The following TMEM154 variants were observed in gnomAD, a reference collection of about 807,000 sequenced individuals.
TMEM154 encodes transmembrane protein 154.
Under a neutral mutation model 24.5 loss-of-function variants are expected in TMEM154, and 27 were observed. That is an observed-to-expected ratio of 1.10 (90% confidence interval 0.81 to 1.52). The LOEUF (loss-of-function observed/expected upper bound fraction) is 1.52, where lower values mean the gene tolerates loss of function less well. Ranked by LOEUF, TMEM154 falls within the 40% of genes most tolerant of loss-of-function variation. TMEM154 has a pLI of 0.00. For synonymous variants in TMEM154, 67 were observed against 76.8 expected (o/e 0.87, Z 0.67); for missense variants, 228 against 213.4 (o/e 1.07, Z -0.43).
intron 6 of TMEM154, among the ~76,000 whole-genome samples, chr4:152,636,699 T>C (rs1646578932): frequency 6.6e-6 from 1 of 152,204 alleles, no homozygotes; most frequent in Non-Finnish European, 1.5e-5. Flanking sequence ...ATGTGGTATA[T>C]TCAGTGTAGG....
chr4:152,647,189 T>G, intron 3 of TMEM154: 1 of 978,780 alleles, frequency 1.0e-6, no homozygotes, highest in Non-Finnish European at 1.2e-6. Flanking sequence ...TCTACCCAAG[T>G]GCAGTAAGAA....
At chr4:152,674,333 T>C (rs1728910047) in intron 1 of TMEM154, among the ~76,000 whole-genome samples, 1 of 151,986 alleles carries the variant, frequency 6.6e-6, no homozygotes, top group Non-Finnish European at 1.5e-5. Context: ...AAAAAGTCAC[T>C]GAAATGACTT....
At chr4:152,659,694 G>A (rs1728557870) in intron 1 of TMEM154, among the ~76,000 whole-genome samples, 1 of 152,140 alleles carries the variant, frequency 6.6e-6, no homozygotes, top group African/African-American at 2.4e-5. Context: ...TGCCTTCTGA[G>A]TTAAGTGGCT....
intron 4 of TMEM154, among the ~76,000 whole-genome samples, chr4:152,643,591 C>CA (rs1752298927): frequency 6.6e-6 from 1 of 152,190 alleles, no homozygotes. Context: ...GTCAAGAGGC[C>CA]ACTGTCAACA....
intron 1 of TMEM154, among the ~76,000 whole-genome samples, chr4:152,656,251 C>T (rs972654731): frequency 1.3e-5 from 2 of 152,176 alleles, no homozygotes; most frequent in South Asian, 2.1e-4. Context: ...CTAACCACTA[C>T]CATTTCTAGC....
Position 152,652,667 on chromosome 4 carries a change from C to G in TMEM154, c.325G>C (p.Glu109Gln), listed in dbSNP as rs558904252. 1.4e-5 allele frequency: 22 copies of G among 1,613,080 alleles called. No individual in the cohort carries two copies. The highest frequency in any genetic ancestry group is 1.6e-4 in the Middle Eastern group (1 of 6,078). ...TYYKRKRTKQ[E>Q]PSSQGSQSAL... ...AAATGGAAATACACCAAATATTTAC[C>G]TTGTTTAGTTCTTTTTCTTTTATAG... The change falls in exon 2 of 7, where the codon GAA becomes CAA. Residue 109 changes from glutamate to glutamine, a missense_variant and splice_region_variant. Physicochemically the swap from Glu to Gln is conservative, Grantham distance 29 (BLOSUM62 2). Coordinates refer to ENST00000304385, the MANE Select transcript of TMEM154 (RefSeq NM_152680.3).
At chr4:152,651,816 A>G (rs1057335352) in intron 3 of TMEM154, among the ~76,000 whole-genome samples, 2 of 152,234 alleles carry the variant, frequency 1.3e-5, no homozygotes, top group Non-Finnish European at 2.9e-5. Context: ...TCAGCTTTCA[A>G]CTTGCCTTCC....
intron 1 of TMEM154, among the ~76,000 whole-genome samples, chr4:152,671,273 T>C (rs139157591): frequency 1.3e-3 from 197 of 152,090 alleles, no homozygotes; most frequent in African/African-American, 4.6e-3. Context: ...CAAGACCAGC[T>C]CATCATTAGC....
chr4:152,648,377 A>AC (rs1728308504), intron 3 of TMEM154, among the ~76,000 whole-genome samples: 1 of 151,972 alleles, frequency 6.6e-6, no homozygotes, highest in African/African-American at 2.4e-5. Context: ...GGCCTGTGGT[A>AC]CCAGCTACTC....
At chr4:152,649,182 G>T (rs1348611593) in intron 3 of TMEM154, among the ~76,000 whole-genome samples, 1 of 152,230 alleles carries the variant, frequency 6.6e-6, no homozygotes, top group African/African-American at 2.4e-5. Context: ...CCCTGTCATG[G>T]GTGTGAGGGA....
At chr4:152,659,909 T>C (rs1728565039) in intron 1 of TMEM154, among the ~76,000 whole-genome samples, 1 of 152,190 alleles carries the variant, frequency 6.6e-6, no homozygotes, top group Non-Finnish European at 1.5e-5. Flanking sequence ...CAATATACTA[T>C]AATAAAAGTA....
chr4:152,655,555 CCTGCCTGCAGCCACCAGCGCTG>C (rs1329659581), intron 1 of TMEM154, among the ~76,000 whole-genome samples: 2 of 152,170 alleles, frequency 1.3e-5, no homozygotes, highest in Non-Finnish European at 2.9e-5. Flanking sequence ...CTCTGGAGCT[CCTGCCTGCAGCCACCAGCGCTG>C]CTGGCTGCTG....
chr4:152,664,022 C>A (rs1397747177), intron 1 of TMEM154, among the ~76,000 whole-genome samples: 1 of 152,146 alleles, frequency 6.6e-6, no homozygotes. Flanking sequence ...CTCTGCTTCT[C>A]CAGGAAGCAA....
chr4:152,646,756 T>TG (rs1728249605), intron 3 of TMEM154: 2 of 577,308 alleles, frequency 3.5e-6, no homozygotes, highest in African/African-American at 3.8e-5. Context: ...ATAGTGGGGT[T>TG]GTCTGGTGGA....
chr4:152,638,028 A>G (rs748278049), intron 6 of TMEM154, among the ~76,000 whole-genome samples: 4 of 152,236 alleles, frequency 2.6e-5, no homozygotes, highest in Non-Finnish European at 5.9e-5. Flanking sequence ...TGGGAGGCCA[A>G]GGCAGCAGAA....
chr4:152,658,332 A>G (rs1728530940), intron 1 of TMEM154, among the ~76,000 whole-genome samples: 1 of 152,344 alleles, frequency 6.6e-6, no homozygotes, highest in East Asian at 1.9e-4. Flanking sequence ...CCTACATCAA[A>G]GAAGTAGAAA....
intron 1 of TMEM154, among the ~76,000 whole-genome samples, chr4:152,657,486 C>A (rs929183577): frequency 5.9e-5 from 9 of 152,048 alleles, no homozygotes; most frequent in Admixed American, 2.0e-4. Context: ...TGTACTTTAG[C>A]CTCAGCAACA....
In TMEM154 at chr4:152,624,807, G is replaced by A. The variant is rs2149775577; in HGVS notation, c.*3739C>T. ...ACACTAATATACAGGAACTCTTTTG[G>A]TCATTGTCACATAGCAGAAATGCTG... On this transcript the variant is annotated 3_prime_UTR_variant, in exon 7 of 7. Coordinates refer to ENST00000304385, the MANE Select transcript of TMEM154 (RefSeq NM_152680.3). 6.6e-6 allele frequency: 1 copy of A among 152,254 alleles called. No homozygotes were observed. The highest frequency in any genetic ancestry group is 2.1e-4 in the South Asian group (1 of 4,824). 9.4% of individuals were successfully genotyped at this position (152,254 alleles called of 1,614,324 possible).
At chr4:152,670,210 T>G (rs1033559187) in intron 1 of TMEM154, 2 of 152,240 alleles carry the variant, frequency 1.3e-5, no homozygotes, top group African/African-American at 4.8e-5. Context: ...AGCTACATAG[T>G]ATTTTCTCCA....
Sources: allele counts gnomAD v4.1 joint callset (sites outside exome capture counted in the v4.1 genomes callset), GRCh38; gene constraint gnomAD v4.1.1; transcripts MANE v1.5; gene names NCBI Gene and HGNC (gene_info 2026-07-23, HGNC 2026-07-21).